Variants in PRDM5 observed in about 807,000 individuals in gnomAD.
PRDM5 encodes the protein PR domain zinc finger protein 5.
A neutral mutation model predicts 81.2 loss-of-function variants in PRDM5; 56 were observed. The ratio of observed to expected loss-of-function variants is 0.69; its 90% CI spans 0.56 to 0.86. The LOEUF is 0.86. PRDM5 is among the 40% of genes least tolerant of loss of function. The pLI, the probability that PRDM5 is intolerant of heterozygous loss-of-function variation, is 0.00. For missense variants in PRDM5, 697 were observed against 770.1 expected (o/e 0.91, Z 1.12); for synonymous variants, 267 against 256.4 (o/e 1.04, Z -0.39).
At chr4:120,838,463 A>C (rs938629581) in intron 3 of PRDM5, 3 of 152,154 alleles carry the variant, frequency 2.0e-5, no homozygotes, top group African/African-American at 7.2e-5. Flanking sequence ...TAGCTTTTTG[A>C]AACTATATAT....
intron 3 of PRDM5, 109 bp from the exon 4 acceptor site, chr4:120,821,454 A>G: frequency 9.2e-7 from 1 of 1,088,124 alleles, no homozygotes. Flanking sequence ...AAAAGTTATT[A>G]CTTTTTTTTA....
intron 11 of PRDM5, among the ~76,000 whole-genome samples, chr4:120,783,195 TCCTC>T (rs1429131788): frequency 2.0e-5 from 3 of 152,118 alleles, no homozygotes; most frequent in Non-Finnish European, 2.9e-5. Flanking sequence ...TAGTATTTTG[TCCTC>T]CCTATTTTAG....
intron 14 of PRDM5, among the ~76,000 whole-genome samples, chr4:120,729,190 T>C (rs955659262): frequency 6.6e-6 from 1 of 152,160 alleles, no homozygotes; most frequent in African/African-American, 2.4e-5. Context: ...CTGAAAATGA[T>C]ACCATGTTCT....
At chr4:120,734,636 A>G (rs1368712723) in intron 14 of PRDM5, among the ~76,000 whole-genome samples, 2 of 151,684 alleles carry the variant, frequency 1.3e-5, no homozygotes, top group Non-Finnish European at 2.9e-5. Context: ...CTTCAGTGCC[A>G]CCTCCCTGTT....
Position 120,907,471 on chromosome 4 carries a change from C to T in PRDM5, c.177+3G>A, listed in dbSNP as rs762184084. On this transcript the variant is annotated splice_donor_region_variant and intron_variant, in intron 2 of 15. Transcript: ENST00000264808. ...TTAACATTAAAATAAGTCATATCCT[C>T]ACCTCCCACATCAACCTGTAATCCA... is the stretch of plus-strand genomic sequence containing the variant. 6.3e-7 allele frequency: 1 copy of T among 1,590,940 alleles called. No homozygotes were observed. Among genetic ancestry groups the T allele is most frequent in the South Asian group, 1.1e-5 (1 of 90,564 alleles).
rs1751608189 is a variant in PRDM5 at position 120,798,248 on chromosome 4, T to A, written c.1188+19A>T. 1 of 1,467,376 alleles carries A rather than the reference T, an allele frequency of 6.8e-7. No individual in the cohort carries two copies. The highest frequency in any genetic ancestry group is 2.3e-5 in the Admixed American group (1 of 43,302). 90.9% of individuals were successfully genotyped at this position (1,467,376 alleles called of 1,614,324 possible). Reference sequence around the variant, plus strand: ...GCAGCAAATTCATAAAAAATAATAATAATATTAATAAGTTTTACCTTCTTA... The same window carrying A: ...GCAGCAAATTCATAAAAAATAATAAAAATATTAATAAGTTTTACCTTCTTA... On this transcript the variant is annotated intron_variant, in intron 10 of 15. Transcript: ENST00000264808.
intron 2 of PRDM5, among the ~76,000 whole-genome samples, chr4:120,878,666 C>A (rs1762555197): frequency 6.6e-6 from 1 of 151,938 alleles, no homozygotes; most frequent in Non-Finnish European, 1.5e-5. Flanking sequence ...TGCTGGTATA[C>A]AAAAGATACA....
At chr4:120,903,552 C>A (rs1765435929) in intron 2 of PRDM5, among the ~76,000 whole-genome samples, 1 of 152,162 alleles carries the variant, frequency 6.6e-6, no homozygotes, top group Admixed American at 6.5e-5. Context: ...GAAGACCTAC[C>A]ACAGAATCTG....
chr4:120,765,595 G>T (rs542473275), intron 13 of PRDM5, among the ~76,000 whole-genome samples: 1 of 152,128 alleles, frequency 6.6e-6, no homozygotes, highest in Non-Finnish European at 1.5e-5. Context: ...AGAGCTGCCC[G>T]CCAGGCACAA....
chr4:120,802,658 A>C (rs1365667679), intron 8 of PRDM5, among the ~76,000 whole-genome samples: 1 of 152,254 alleles, frequency 6.6e-6, no homozygotes, highest in Non-Finnish European at 1.5e-5. Context: ...AACTGTTAGA[A>C]GGAAAACTAA....
intron 1 of PRDM5, among the ~76,000 whole-genome samples, chr4:120,908,056 G>A (rs1766034468): frequency 6.6e-6 from 1 of 152,194 alleles, no homozygotes; most frequent in Non-Finnish European, 1.5e-5. Context: ...TTTCAAACAG[G>A]CAAATGGGCA....
At chr4:120,746,528 T>C (rs1743079836) in intron 14 of PRDM5, among the ~76,000 whole-genome samples, 1 of 134,640 alleles carries the variant, frequency 7.4e-6, no homozygotes, top group Admixed American at 7.9e-5. Context: ...TTTCGCAACC[T>C]ACTCATCTGA....
chr4:120,891,859 A>G (rs1032408828), intron 2 of PRDM5, among the ~76,000 whole-genome samples: 1 of 152,094 alleles, frequency 6.6e-6, no homozygotes, highest in Non-Finnish European at 1.5e-5. Context: ...CGAACTCCTG[A>G]CCTCAAGCGA....
chr4:120,835,441 T>G (rs542838399), intron 3 of PRDM5, among the ~76,000 whole-genome samples: 1 of 152,328 alleles, frequency 6.6e-6, no homozygotes, highest in Admixed American at 6.5e-5. Context: ...AGATATGGTT[T>G]GGTTGTGTCC....
chr4:120,790,801 G>C (rs1040155057), intron 10 of PRDM5, among the ~76,000 whole-genome samples: 1 of 152,210 alleles, frequency 6.6e-6, no homozygotes, highest in Non-Finnish European at 1.5e-5. Flanking sequence ...TGGATGGATA[G>C]ATAGATTTAG....
intron 13 of PRDM5, among the ~76,000 whole-genome samples, chr4:120,774,950 G>A (rs1440784798): frequency 8.8e-6 from 1 of 113,162 alleles, no homozygotes; most frequent in African/African-American, 2.9e-5. Flanking sequence ...ATATGTGTGT[G>A]TATATGTATA....
chr4:120,920,898 C>T (rs1302930678), intron 1 of PRDM5, among the ~76,000 whole-genome samples: 1 of 152,088 alleles, frequency 6.6e-6, no homozygotes, highest in Non-Finnish European at 1.5e-5. Flanking sequence ...CTGTTCATTT[C>T]ATTGCATGCC....
intron 3 of PRDM5, among the ~76,000 whole-genome samples, chr4:120,823,704 G>C (rs985218742): frequency 4.6e-5 from 7 of 152,106 alleles, no homozygotes; most frequent in African/African-American, 1.7e-4. Context: ...CTAATTTCTG[G>C]AGCCATTTTG....
intron 8 of PRDM5, among the ~76,000 whole-genome samples, chr4:120,805,599 A>C (rs1377645839): frequency 6.6e-6 from 1 of 152,200 alleles, no homozygotes; most frequent in Admixed American, 6.5e-5. Flanking sequence ...AAAGACAAAA[A>C]CCGCATGATT....
Sources: gnomAD v4.1 joint callset for allele counts (sites outside exome capture counted in the v4.1 genomes callset) on GRCh38, gnomAD v4.1.1 for gene constraint, MANE v1.5 for transcripts, NCBI Gene and HGNC (gene_info 2026-07-23, HGNC 2026-07-21) for gene names.